Variants in MAPK8 observed in about 807,000 individuals in gnomAD.
The protein encoded by MAPK8 is mitogen-activated protein kinase 8.
MAPK8 carries 13 observed loss-of-function variants against 52.9 expected under a neutral mutation model. The observed-to-expected ratio is 0.25, with a 90% CI of 0.16 to 0.39. MAPK8 has a LOEUF of 0.39. Among genes scored for constraint, MAPK8 ranks in the 10% least tolerant of loss-of-function variants. The pLI is 1.00. For synonymous variants in MAPK8, 191 were observed against 169.8 expected, an observed-to-expected ratio of 1.12 and a Z score of -0.97; for missense variants, 300 against 519.2, an observed-to-expected ratio of 0.58 and a Z score of 4.10.
intron 9 of MAPK8, chr10:48,426,775 C>G (rs962680777): frequency 1.0e-5 from 5 of 486,072 alleles, no homozygotes; most frequent in Non-Finnish European, 1.8e-5. Context: ...GGGGAACATC[C>G]TAACTCAGGT....
At chr10:48,426,544 C>T (rs1564620657) in intron 9 of MAPK8, 40 bp downstream of exon 9, 1 of 1,576,704 alleles carries the variant, frequency 6.3e-7, no homozygotes, top group East Asian at 2.3e-5. Flanking sequence ...ATATTGCATT[C>T]TTAGAGTTAG....
chr10:48,428,731 A>G (rs2133274415), intron 10 of MAPK8, among the ~76,000 whole-genome samples: 1 of 152,338 alleles, frequency 6.6e-6, no homozygotes, highest in Middle Eastern at 3.4e-3. Context: ...GTATGTATGA[A>G]AACATTAACC....
chr10:48,338,708 A>T (rs1431367255), intron 1 of MAPK8, among the ~76,000 whole-genome samples: 1 of 152,154 alleles, frequency 6.6e-6, no homozygotes, highest in Non-Finnish European at 1.5e-5. Flanking sequence ...CCTGGACCTG[A>T]GAAACAACTC....
intron 1 of MAPK8, among the ~76,000 whole-genome samples, chr10:48,330,320 A>G (rs932880999): frequency 7.2e-5 from 11 of 152,202 alleles, no homozygotes; most frequent in African/African-American, 2.4e-4. Context: ...TTAACTTAAT[A>G]GGAAGATGTT....
intron 1 of MAPK8, among the ~76,000 whole-genome samples, chr10:48,360,232 A>G (rs1316595820): frequency 6.6e-6 from 1 of 152,222 alleles, no homozygotes; most frequent in Non-Finnish European, 1.5e-5. Context: ...CTTCAAAAAT[A>G]GGAAAACTGA....
At chr10:48,372,276 C>CA (rs1194555391) in intron 1 of MAPK8, among the ~76,000 whole-genome samples, 1 of 151,966 alleles carries the variant, frequency 6.6e-6, no homozygotes, top group East Asian at 1.9e-4. Context: ...GAAACCAGCG[C>CA]AAAAAGTCTG....
chr10:48,342,697 A>C (rs72792290), intron 1 of MAPK8, among the ~76,000 whole-genome samples: 12,274 of 152,260 alleles, frequency 0.081, 639 homozygotes, highest in Non-Finnish European at 0.11. Flanking sequence ...AACTCCTCAG[A>C]GTAGTTGTGG....
intron 1 of MAPK8, among the ~76,000 whole-genome samples, chr10:48,344,405 T>C (rs1845575007): frequency 6.6e-6 from 1 of 152,240 alleles, no homozygotes; most frequent in South Asian, 2.1e-4. Context: ...ATCTGCTGTT[T>C]CCCACTAGTC....
At chr10:48,363,289 C>T (rs574720844) in intron 1 of MAPK8, among the ~76,000 whole-genome samples, 1 of 152,272 alleles carries the variant, frequency 6.6e-6, no homozygotes, top group Non-Finnish European at 1.5e-5. Context: ...AGAAAGGTAA[C>T]CTCCTTTTCT....
intron 1 of MAPK8, among the ~76,000 whole-genome samples, chr10:48,369,592 A>G (rs1848367789): frequency 6.6e-6 from 1 of 152,134 alleles, no homozygotes; most frequent in Non-Finnish European, 1.5e-5. Context: ...TTAAGTGATA[A>G]CTAGAGCCAT....
intron 5 of MAPK8, among the ~76,000 whole-genome samples, chr10:48,419,734 C>T (rs1489415582): frequency 2.0e-5 from 3 of 152,158 alleles, no homozygotes; most frequent in Admixed American, 6.6e-5. Flanking sequence ...TGACTTAAAA[C>T]ATCTGTATAA....
chr10:48,372,458 A>ATTC (rs2040384246), intron 1 of MAPK8, among the ~76,000 whole-genome samples: 1 of 152,160 alleles, frequency 6.6e-6, no homozygotes, highest in Non-Finnish European at 1.5e-5. Flanking sequence ...ACCCAATGTA[A>ATTC]GGAAGCTAAG....
In MAPK8 at chr10:48,426,435, G is replaced by A. The variant is rs2043689075; in HGVS notation, c.927G>A (p.Arg309=). 1.2e-6 allele frequency: 2 copies of A among 1,611,506 alleles called. No individual in the cohort carries two copies. The highest frequency in any genetic ancestry group is 1.7e-6 in the Non-Finnish European group (2 of 1,178,808). Residue 309 remains arginine (R), a synonymous_variant, in exon 9 of 12, where the codon AGG becomes AGA. Coordinates refer to ENST00000374189, the MANE Select transcript of MAPK8 (RefSeq NM_001323329.2). Reference sequence around the variant, plus strand: ...TGCTGGTAATAGATGCATCTAAAAGGATCTCTGTAGATGAAGCTCTCCAAC... The same window carrying A: ...TGCTGGTAATAGATGCATCTAAAAGAATCTCTGTAGATGAAGCTCTCCAAC... The part of the protein sequence containing the change: ...SKMLVIDASK[R]ISVDEALQHP...
intron 1 of MAPK8, among the ~76,000 whole-genome samples, chr10:48,365,859 C>G (rs1847983312): frequency 6.6e-6 from 1 of 152,154 alleles, no homozygotes; most frequent in Non-Finnish European, 1.5e-5. Context: ...ACAATTATCT[C>G]TTGATGAATC....
intron 1 of MAPK8, among the ~76,000 whole-genome samples, chr10:48,353,373 T>C (rs1338722863): frequency 2.6e-5 from 4 of 152,168 alleles, no homozygotes; most frequent in Admixed American, 2.0e-4. Context: ...CAGTGTAGTA[T>C]TGGCAGACAG....
intron 1 of MAPK8, among the ~76,000 whole-genome samples, chr10:48,329,293 CTT>C (rs1202391524): frequency 6.6e-6 from 1 of 152,194 alleles, no homozygotes; most frequent in Non-Finnish European, 1.5e-5. Flanking sequence ...TTCCTCTTCT[CTT>C]ATTAATTATA....
intron 1 of MAPK8, among the ~76,000 whole-genome samples, chr10:48,392,129 A>G (rs1220302970): frequency 6.6e-6 from 1 of 152,206 alleles, no homozygotes; most frequent in Non-Finnish European, 1.5e-5. Flanking sequence ...GGCCGAGTGG[A>G]GAAACCCACA....
At chr10:48,351,634 T>C (rs1490789633) in intron 1 of MAPK8, among the ~76,000 whole-genome samples, 10 of 152,002 alleles carry the variant, frequency 6.6e-5, no homozygotes, top group Non-Finnish European at 1.2e-4. Context: ...GAAAAACCAA[T>C]TGGAAACTTT....
intron 1 of MAPK8, among the ~76,000 whole-genome samples, chr10:48,361,930 TGCCTGTATA>T (rs892934981): frequency 7.2e-5 from 11 of 152,230 alleles, no homozygotes; most frequent in African/African-American, 2.4e-4. Flanking sequence ...TCTTCCTCAT[TGCCTGTATA>T]GCCAGTTGAC....
Sources: allele counts gnomAD v4.1 joint callset (sites outside exome capture counted in the v4.1 genomes callset), GRCh38; gene constraint gnomAD v4.1.1; transcripts MANE v1.5; gene names NCBI Gene and HGNC (gene_info 2026-07-23, HGNC 2026-07-21).